Variants in CHMP4B observed in about 807,000 individuals in gnomAD.
The protein encoded by CHMP4B is SNF7 homolog associated with Alix 1.
Under a neutral mutation model 25.1 loss-of-function variants are expected in CHMP4B, and 1 was observed. The ratio of observed to expected loss-of-function variants is 0.04; its 90% CI spans 0.01 to 0.19. The LOEUF (loss-of-function observed/expected upper bound fraction) is 0.19, where lower values mean the gene tolerates loss of function less well. CHMP4B is among the 10% of genes least tolerant of loss of function. The pLI is 1.00. For synonymous variants in CHMP4B, 101 were observed against 115.6 expected (o/e 0.87, Z 0.81); for missense variants, 151 against 289.7 (o/e 0.52, Z 3.48).
chr20:33,840,952 G>T (rs531919240), intron 1 of CHMP4B, among the ~76,000 whole-genome samples: 11 of 152,258 alleles, frequency 7.2e-5, no homozygotes, highest in African/African-American at 2.6e-4. Context: ...CTAGACAACT[G>T]GACTCCCTAA....
chr20:33,852,013 G>A, intron 3 of CHMP4B, 64 bp from the exon 4 acceptor site: 1 of 1,609,146 alleles, frequency 6.2e-7, no homozygotes, highest in African/African-American at 1.3e-5. Flanking sequence ...AATTAGGTAG[G>A]AGGCATGACC....
chr20:33,829,735 A>G (rs751649909), intron 1 of CHMP4B, among the ~76,000 whole-genome samples: 3 of 152,250 alleles, frequency 2.0e-5, no homozygotes, highest in Admixed American at 6.5e-5. Flanking sequence ...GAGTAGACAC[A>G]TGGTGATCCC....
intron 1 of CHMP4B, among the ~76,000 whole-genome samples, chr20:33,844,749 A>AG (rs1232516474): frequency 2.0e-5 from 3 of 152,036 alleles, no homozygotes; most frequent in Admixed American, 1.3e-4. Context: ...GCTCTGTCAA[A>AG]GAGTGTTTGC....
At position 33,843,275 on chromosome 20, in the gene CHMP4B, C is replaced by G. The variant is rs116997938; in HGVS notation, c.191-5192C>G. ...AGCCAATAAAGCTGGTTATTAGATT[C>G]TGTAATTGCTGCTGTAATTACTCTC... is the stretch of plus-strand genomic sequence containing the variant. On this transcript the variant is annotated intron_variant, in intron 1 of 4. Transcript: ENST00000217402. 5.6e-4 allele frequency among the ~76,000 whole-genome samples: 85 copies of G among 152,294 alleles called. No homozygotes were observed. In the East Asian group the frequency reaches 0.016, roughly 28 times the overall value.
rs534989307 is a variant in CHMP4B at position 33,848,585 on chromosome 20, C to A, written c.309C>A (p.Thr103=). 4 of 1,614,204 alleles carry A rather than the reference C, an allele frequency of 2.5e-6. No homozygotes were observed. The highest frequency in any genetic ancestry group is 3.4e-6 in the Non-Finnish European group (4 of 1,180,044). The change falls in exon 2 of 5, where the codon ACC becomes ACA. Residue 103 remains threonine, a synonymous_variant. Transcript: ENST00000217402. ...REALENANTN[T]EVLKNMGYAA... The stretch of plus-strand genomic sequence containing the variant: ...CCCTGGAGAATGCCAACACCAACAC[C>A]GAGGTGCTCAAGAACATGGGCTATG...
chr20:33,842,799 G>A (rs190652623), intron 1 of CHMP4B, among the ~76,000 whole-genome samples: 14 of 152,272 alleles, frequency 9.2e-5, no homozygotes, highest in South Asian at 2.1e-4. Flanking sequence ...ACTGCCATTC[G>A]TTTAGTGAGA....
rs879511547 is a variant in CHMP4B, at chr20:33,853,671, C to G, written c.*111C>G. On this transcript the variant is annotated 3_prime_UTR_variant, in exon 5 of 5. Transcript: ENST00000217402. ...TGGTGCAGGCAGGTTCCATCGCTTT[C>G]GACTCTCACTCCAAAGCAGTAGGGC... 5 of 929,514 alleles carry G rather than the reference C, an allele frequency of 5.4e-6. No individual in the cohort carries two copies. The highest frequency in any genetic ancestry group is 8.7e-6 in the Non-Finnish European group (5 of 575,048). 57.6% of individuals were successfully genotyped at this position (929,514 alleles called of 1,614,324 possible). A position where few individuals can be genotyped will look rare whatever the true frequency, so the allele number is the denominator to read the frequency against.
intron 1 of CHMP4B, among the ~76,000 whole-genome samples, chr20:33,815,333 T>C (rs1978754743): frequency 6.6e-6 from 1 of 152,188 alleles, no homozygotes; most frequent in African/African-American, 2.4e-5. Context: ...AAGGGCCTAG[T>C]GTAGAAGCAT....
chr20:33,831,001 C>T (rs1423064788), intron 1 of CHMP4B, among the ~76,000 whole-genome samples: 2 of 138,666 alleles, frequency 1.4e-5, no homozygotes, highest in African/African-American at 5.3e-5. Flanking sequence ...AATACACTGG[C>T]ATGAAAATGG....
chr20:33,836,043 A>G (rs1360657940), intron 1 of CHMP4B, among the ~76,000 whole-genome samples: 1 of 152,228 alleles, frequency 6.6e-6, no homozygotes, highest in Non-Finnish European at 1.5e-5. Flanking sequence ...GCAGGGTCAA[A>G]CAAACCGTAT....
At chr20:33,822,687 C>T (rs922504703) in intron 1 of CHMP4B, among the ~76,000 whole-genome samples, 1 of 152,266 alleles carries the variant, frequency 6.6e-6, no homozygotes, top group African/African-American at 2.4e-5. Flanking sequence ...GCAGGGCTCA[C>T]AGCTGCGGAC....
chr20:33,823,136 A>AT (rs1254145501), intron 1 of CHMP4B, among the ~76,000 whole-genome samples: 74 of 152,156 alleles, frequency 4.9e-4, no homozygotes, highest in African/African-American at 1.8e-3. Context: ...TTCAAAGAAA[A>AT]ATTTTTTTTT....
Position 33,811,380 on chromosome 20 carries a change from C to T in CHMP4B, c.-89C>T, listed in dbSNP as rs1422260207. 3 of 1,149,034 alleles carry T rather than the reference C, an allele frequency of 2.6e-6. No individual in the cohort carries two copies. Among genetic ancestry groups the T allele is most frequent in the South Asian group, 6.3e-5 (2 of 31,934 alleles). The allele number at this position is 1,149,034 out of a possible 1,614,324, so 71.2% of individuals were successfully genotyped here. On this transcript the variant is annotated 5_prime_UTR_variant, in exon 1 of 5. Coordinates refer to ENST00000217402, the MANE Select transcript of CHMP4B (RefSeq NM_176812.5). Reference sequence around the variant, plus strand: ...CCTGCGGCGGCAGGGAGCGGCGGGACTGGGAGCGGGCGCCGGAGCCGACCC... The same window carrying T: ...CCTGCGGCGGCAGGGAGCGGCGGGATTGGGAGCGGGCGCCGGAGCCGACCC...
intron 1 of CHMP4B, among the ~76,000 whole-genome samples, chr20:33,813,799 C>T (rs753539199): frequency 2.0e-5 from 3 of 152,106 alleles, no homozygotes; most frequent in Non-Finnish European, 4.4e-5. Flanking sequence ...GTGGTGCGAT[C>T]TCAGCTCACT....
chr20:33,817,892 A>G lies in CHMP4B; in HGVS notation c.190+6234A>G, dbSNP rs543033310. Among the ~76,000 whole-genome samples the G allele has an allele frequency of 3.3e-5, 5 of 152,290 alleles. No individual in the cohort carries two copies. The East Asian group carries it at 9.6e-4, about 29-fold the overall frequency. On this transcript the variant is annotated intron_variant, in intron 1 of 4. Transcript: ENST00000217402. ...GGCCTGTTTTTAAGCTGTTTGGCTCAAGTCAGCAATCATTTATTACGTTTC... is the reference window on the plus strand; with the variant it reads ...GGCCTGTTTTTAAGCTGTTTGGCTCGAGTCAGCAATCATTTATTACGTTTC...
chr20:33,835,770 G>T (rs1430053457), intron 1 of CHMP4B, among the ~76,000 whole-genome samples: 1 of 152,354 alleles, frequency 6.6e-6, no homozygotes, highest in East Asian at 1.9e-4. Flanking sequence ...AAGAAGCATG[G>T]TGCCAGCATC....
intron 1 of CHMP4B, among the ~76,000 whole-genome samples, chr20:33,824,985 G>A (rs187216547): frequency 2.0e-5 from 3 of 152,216 alleles, no homozygotes; most frequent in Admixed American, 2.0e-4. Context: ...AGCCTGCTAG[G>A]TACTTTTCAT....
chr20:33,851,875 C>T (rs1449208549), intron 3 of CHMP4B, among the ~76,000 whole-genome samples: 1 of 152,184 alleles, frequency 6.6e-6, no homozygotes, highest in Non-Finnish European at 1.5e-5. Context: ...AGGTCTACAT[C>T]AGTGATGTGC....
intron 1 of CHMP4B, among the ~76,000 whole-genome samples, chr20:33,828,516 G>A (rs915863910): frequency 7.2e-5 from 11 of 152,204 alleles, no homozygotes; most frequent in African/African-American, 1.2e-4. Flanking sequence ...GTGGTGAGGC[G>A]GGCGGGCACA....
Sources: gnomAD v4.1 joint callset for allele counts (sites outside exome capture counted in the v4.1 genomes callset) on GRCh38, gnomAD v4.1.1 for gene constraint, MANE v1.5 for transcripts, NCBI Gene and HGNC (gene_info 2026-07-23, HGNC 2026-07-21) for gene names.